The following IL1RAPL1 variants were observed in gnomAD, a reference collection of about 807,000 sequenced individuals.
IL1RAPL1 encodes interleukin 1 receptor accessory protein like 1.
IL1RAPL1 carries 3 observed loss-of-function variants against 48.4 expected under a neutral mutation model. The observed-to-expected ratio is 0.06, with a 90% CI of 0.03 to 0.16. IL1RAPL1 has a LOEUF of 0.16. Among genes scored for constraint, IL1RAPL1 ranks in the 10% least tolerant of loss-of-function variants. The probability of loss-of-function intolerance (pLI) is 1.00; values close to 1 mark genes in which losing one functional copy is unlikely to be tolerated. For synonymous variants in IL1RAPL1, 185 were observed against 187.7 expected (o/e 0.99, Z 0.12); for missense variants, 349 against 530.6 (o/e 0.66, Z 3.36).
intron 5 of IL1RAPL1, among the ~76,000 whole-genome samples, chrX:29,628,790 G>C (rs1366865832): frequency 1.8e-5 from 2 of 111,995 alleles, no homozygotes; most frequent in Non-Finnish European, 3.8e-5. Context: ...CTCAATACAT[G>C]CTTGTTGAAT....
chrX:29,900,748 A>C (rs1433770887), intron 6 of IL1RAPL1, among the ~76,000 whole-genome samples: 1 of 111,657 alleles, frequency 9.0e-6, no homozygotes, highest in Non-Finnish European at 1.9e-5. Flanking sequence ...AGCAGGAGAT[A>C]AACGTGGTTT....
chrX:28,768,745 CTCTCTCTCTCTATA>C (rs1239200470), intron 1 of IL1RAPL1, among the ~76,000 whole-genome samples: 1 of 70,056 alleles, frequency 1.4e-5, no homozygotes, highest in Non-Finnish European at 2.6e-5. Flanking sequence ...CTCTCTCTCT[CTCTCTCTCTCTATA>C]TATATATATA....
At chrX:28,654,064 G>A (rs1008965605) in intron 1 of IL1RAPL1, among the ~76,000 whole-genome samples, 10 of 110,937 alleles carry the variant, frequency 9.0e-5, no homozygotes, top group African/African-American at 3.3e-4. Flanking sequence ...CTTGCCAAAC[G>A]TTACTAAGCT....
intron 1 of IL1RAPL1, among the ~76,000 whole-genome samples, chrX:28,636,508 G>A (rs779817841): frequency 9.0e-6 from 1 of 111,663 alleles, no homozygotes; most frequent in East Asian, 2.8e-4. Context: ...AATAGTTTAA[G>A]CCCATAAAAC....
chrX:29,698,500 A>C (rs1214455764), intron 6 of IL1RAPL1, among the ~76,000 whole-genome samples: 1 of 107,213 alleles, frequency 9.3e-6, no homozygotes, highest in Non-Finnish European at 1.9e-5. Flanking sequence ...GGTTTTGTGC[A>C]TGGTATATAC....
At position 29,419,922 on chromosome X, in the gene IL1RAPL1, A is replaced by G. The variant is rs747385370; in HGVS notation, c.703+20614A>G. ...GAGCAGCTGCTCAGCCAGAAATTCA[A>G]TTTCCCAGCCCCTCTTGCTTCTAGG... On this transcript the variant is annotated intron_variant, in intron 5 of 10. Transcript: ENST00000378993. 5.4e-5 allele frequency among the ~76,000 whole-genome samples: 6 copies of G among 111,582 alleles called. No individual in the cohort carries two copies. The South Asian group carries it at 1.2e-3, about 21-fold the overall frequency.
chrX:29,560,181 A>AT (rs1417146813), intron 5 of IL1RAPL1, among the ~76,000 whole-genome samples: 5 of 111,120 alleles, frequency 4.5e-5, no homozygotes, highest in Admixed American at 9.6e-5. Context: ...CTTGGTTGAC[A>AT]TTTTTTTCCT....
intron 2 of IL1RAPL1, among the ~76,000 whole-genome samples, chrX:29,069,599 C>A (rs1927518592): frequency 9.9e-6 from 1 of 100,892 alleles, no homozygotes; most frequent in Non-Finnish European, 2.0e-5. Flanking sequence ...GCTCACCATG[C>A]CCCTGTTTCT....
In IL1RAPL1 at chrX:29,325,339, A is replaced by G. The variant is rs141353743; in HGVS notation, c.362+42122A>G. ...CAACCAATATAATTTCAGAGGACAG[A>G]TGAAGGCTTTCACGTCTTCATTTGT... On this transcript the variant is annotated intron_variant, in intron 3 of 10. Transcript: ENST00000378993. 2.7e-5 allele frequency among the ~76,000 whole-genome samples: 3 copies of G among 112,434 alleles called. No homozygotes were observed. The East Asian group carries it at 8.4e-4, about 31-fold the overall frequency.
intron 3 of IL1RAPL1, among the ~76,000 whole-genome samples, chrX:29,343,093 G>T (rs1343126131): frequency 8.9e-6 from 1 of 111,896 alleles, no homozygotes; most frequent in East Asian, 2.8e-4. Flanking sequence ...AATTACTTGG[G>T]TAATCAAAAC....
intron 2 of IL1RAPL1, among the ~76,000 whole-genome samples, chrX:29,169,969 A>T (rs1929876844): frequency 9.0e-6 from 1 of 111,375 alleles, no homozygotes; most frequent in South Asian, 3.8e-4. Flanking sequence ...ATTGCATTTC[A>T]ATCCACATTT....
intron 1 of IL1RAPL1, among the ~76,000 whole-genome samples, chrX:28,645,114 G>A (rs1190685621): frequency 2.7e-5 from 3 of 109,666 alleles, no homozygotes; most frequent in Non-Finnish European, 5.7e-5. Context: ...TTGGGAGGCC[G>A]AGGTGGGTGG....
At chrX:29,603,222 C>A (rs909728289) in intron 5 of IL1RAPL1, among the ~76,000 whole-genome samples, 1 of 104,125 alleles carries the variant, frequency 9.6e-6, no homozygotes, top group Non-Finnish European at 1.9e-5. Context: ...TCCAAGACTG[C>A]GCCATTGCCC....
intron 6 of IL1RAPL1, among the ~76,000 whole-genome samples, chrX:29,824,679 T>C (rs1930694146): frequency 8.9e-6 from 1 of 111,861 alleles, no homozygotes; most frequent in Non-Finnish European, 1.9e-5. Flanking sequence ...TTTGCAATCT[T>C]AAAAAAGGAA....
intron 2 of IL1RAPL1, among the ~76,000 whole-genome samples, chrX:29,217,655 A>T (rs1023341815): frequency 9.0e-6 from 1 of 111,243 alleles, no homozygotes; most frequent in Admixed American, 9.7e-5. Context: ...AAGAAAAAAT[A>T]TTGAAGTGGC....
intron 2 of IL1RAPL1, among the ~76,000 whole-genome samples, chrX:29,196,135 AT>A (rs1412541609): frequency 1.8e-5 from 2 of 111,900 alleles, no homozygotes; most frequent in African/African-American, 3.2e-5. Context: ...CCATCCACTA[AT>A]TTTTTTGTCA....
At position 29,141,770 on chromosome X, in the gene IL1RAPL1, T is replaced by C. The variant is rs189347742; in HGVS notation, c.83-141168T>C. On this transcript the variant is annotated intron_variant, in intron 2 of 10. Coordinates refer to ENST00000378993, the MANE Select transcript of IL1RAPL1 (RefSeq NM_014271.4). Reference sequence around the variant, plus strand: ...GTTCCATAGTTCTTTAGCAGTGAACTCTTCTCTAAGTTGCAAACAGTACAC... The same window carrying C: ...GTTCCATAGTTCTTTAGCAGTGAACCCTTCTCTAAGTTGCAAACAGTACAC... 6.5e-3 allele frequency among the ~76,000 whole-genome samples: 724 copies of C among 111,831 alleles called. 7 individuals are homozygous for C. The highest frequency in any genetic ancestry group is 0.022 in the African/African-American group (682 of 30,863).
chrX:29,883,410 A>C (rs1932069514), intron 6 of IL1RAPL1, among the ~76,000 whole-genome samples: 1 of 112,084 alleles, frequency 8.9e-6, no homozygotes, highest in Admixed American at 9.5e-5. Context: ...TTGATATATG[A>C]AGTCCAGATC....
chrX:29,019,035 A>G (rs1470786674), intron 2 of IL1RAPL1, among the ~76,000 whole-genome samples: 1 of 111,943 alleles, frequency 8.9e-6, no homozygotes, highest in Admixed American at 9.5e-5. Flanking sequence ...TTTCCTCACA[A>G]GACAGTAAGA....
Sources: gnomAD v4.1 joint callset for allele counts (sites outside exome capture counted in the v4.1 genomes callset) on GRCh38, gnomAD v4.1.1 for gene constraint, MANE v1.5 for transcripts, NCBI Gene and HGNC (gene_info 2026-07-23, HGNC 2026-07-21) for gene names.